The following DGKD variants were observed in gnomAD, a reference collection of about 807,000 sequenced individuals.
The protein encoded by DGKD is diacylglycerol kinase delta, also known as DAG kinase delta.
A neutral mutation model predicts 154.4 loss-of-function variants in DGKD; 68 were observed. The observed-to-expected ratio is 0.44, with a 90% confidence interval of 0.36 to 0.54. DGKD has a LOEUF of 0.54. Among genes scored for constraint, DGKD ranks in the 20% least tolerant of loss-of-function variants. The pLI is 0.00. For missense variants in DGKD, 1,343 were observed against 1,593.6 expected, an observed-to-expected ratio of 0.84 and a Z score of 2.68; for synonymous variants, 693 against 638.0, an observed-to-expected ratio of 1.09 and a Z score of -1.30.
chr2:233,439,928 G>A (rs1439115090), intron 9 of DGKD, among the ~76,000 whole-genome samples: 3 of 152,064 alleles, frequency 2.0e-5, no homozygotes, highest in Admixed American at 1.3e-4. Flanking sequence ...GATATAATAC[G>A]TCTGTTATCA....
At chr2:233,364,316 GTTT>G (rs1701924905) in intron 1 of DGKD, among the ~76,000 whole-genome samples, 1 of 152,164 alleles carries the variant, frequency 6.6e-6, no homozygotes, top group Non-Finnish European at 1.5e-5. Context: ...AACATTAAGT[GTTT>G]TTTGTTTGTT....
At chr2:233,407,772 A>G (rs1298810844) in intron 3 of DGKD, among the ~76,000 whole-genome samples, 4 of 152,172 alleles carry the variant, frequency 2.6e-5, no homozygotes, top group Admixed American at 1.3e-4. Context: ...GTCTCAAAAC[A>G]TAAAATAAAT....
At chr2:233,465,248 A>G (rs1402518513) in intron 27 of DGKD, among the ~76,000 whole-genome samples, 1 of 152,232 alleles carries the variant, frequency 6.6e-6, no homozygotes, top group Admixed American at 6.5e-5. Context: ...AATTACAAAA[A>G]TAATAATATA....
intron 1 of DGKD, among the ~76,000 whole-genome samples, chr2:233,362,438 G>A (rs548149434): frequency 6.6e-6 from 1 of 152,258 alleles, no homozygotes; most frequent in South Asian, 2.1e-4. Flanking sequence ...ATCACCTGAG[G>A]TTAGGAGTTC....
At chr2:233,439,860 T>C (rs2062830220) in intron 9 of DGKD, among the ~76,000 whole-genome samples, 1 of 151,728 alleles carries the variant, frequency 6.6e-6, no homozygotes, top group African/African-American at 2.4e-5. Context: ...CTCTCAAGAG[T>C]GTTGGATTAC....
intron 1 of DGKD, among the ~76,000 whole-genome samples, chr2:233,355,221 G>A (rs902217088): frequency 6.6e-6 from 1 of 152,204 alleles, no homozygotes; most frequent in South Asian, 2.1e-4. Flanking sequence ...AGGGAAGGAA[G>A]GGATGCGCGT....
chr2:233,415,909 G>T lies in DGKD; in HGVS notation c.349-18471G>T, dbSNP rs529295080. ...CCAAAGCACTGATTGGCAGGCATGA[G>T]CTGCTGCGCCCAACCAGGCATAGAT... On this transcript the variant is annotated intron_variant, in intron 3 of 29. Transcript: ENST00000264057. 2.6e-5 allele frequency among the ~76,000 whole-genome samples: 4 copies of T among 152,304 alleles called. No individual in the cohort carries two copies. The South Asian group carries it at 8.3e-4, about 32-fold the overall frequency.
intron 3 of DGKD, among the ~76,000 whole-genome samples, chr2:233,409,343 T>C (rs1310394402): frequency 6.6e-6 from 1 of 152,132 alleles, no homozygotes; most frequent in East Asian, 1.9e-4. Flanking sequence ...TTATAGTAAT[T>C]TAGTAAGGGA....
intron 3 of DGKD, among the ~76,000 whole-genome samples, chr2:233,410,538 A>G (rs1298990812): frequency 6.6e-6 from 1 of 152,182 alleles, no homozygotes; most frequent in Non-Finnish European, 1.5e-5. Flanking sequence ...CCAAATCCCT[A>G]AGTGCTGATT....
intron 19 of DGKD, among the ~76,000 whole-genome samples, chr2:233,456,627 A>G (rs1279707188): frequency 6.6e-6 from 1 of 152,194 alleles, no homozygotes; most frequent in Non-Finnish European, 1.5e-5. Context: ...ATAGGGTTCT[A>G]TAATGTTTTA....
At chr2:233,405,825 T>A (rs945289101) in intron 3 of DGKD, among the ~76,000 whole-genome samples, 2 of 152,246 alleles carry the variant, frequency 1.3e-5, no homozygotes, top group Non-Finnish European at 2.9e-5. Context: ...TGCTTATGTG[T>A]AATAGCTATA....
intron 3 of DGKD, among the ~76,000 whole-genome samples, chr2:233,403,395 A>G (rs1418829007): frequency 6.6e-6 from 1 of 151,808 alleles, no homozygotes; most frequent in East Asian, 2.0e-4. Flanking sequence ...CCCTGTCTCT[A>G]CTAAAAATAC....
At chr2:233,424,647 C>T (rs922513677) in intron 3 of DGKD, among the ~76,000 whole-genome samples, 6 of 152,302 alleles carry the variant, frequency 3.9e-5, no homozygotes, top group South Asian at 2.1e-4. Context: ...GGAGAGGCTG[C>T]GGGATGGAGG....
Position 233,449,168 on chromosome 2 carries a change from G to A in DGKD, c.1680G>A (p.Ser560=), listed in dbSNP as rs765268127. The change falls in exon 15 of 30, where the codon TCG becomes TCA. Residue 560 remains serine (S), a synonymous_variant. Transcript: ENST00000264057. The surrounding 1 kb of genome is among the most constrained non-coding windows in gnomAD (Gnocchi z 5.3). ...CCTTGGACGATGAGTCCCAGGCCTC[G>A]TCCTCTCTGCCCAACCCGCCCCCCA... ...LKTLDDESQA[S]SSLPNPPPTI... is the part of the protein sequence containing the mutation. The A allele has an allele frequency of 1.3e-4, 216 of 1,613,230 alleles. No homozygotes were observed. Among genetic ancestry groups the A allele is most frequent in the Admixed American group, 7.8e-4 (47 of 60,000 alleles).
At chr2:233,462,770 CTG>C (rs373015572) in intron 26 of DGKD, 35 bp downstream of exon 26, 1 of 1,589,308 alleles carries the variant, frequency 6.3e-7, no homozygotes. Context: ...AGGGCTCGGG[CTG>C]TGTGTGAAAC....
chr2:233,433,502 A>G (rs1194892642), intron 3 of DGKD, among the ~76,000 whole-genome samples: 1 of 152,210 alleles, frequency 6.6e-6, no homozygotes. Context: ...AGTTAGAATA[A>G]ACGAGATCTA....
chr2:233,397,775 AG>A (rs1334266575), intron 3 of DGKD, among the ~76,000 whole-genome samples: 1 of 151,800 alleles, frequency 6.6e-6, no homozygotes, highest in Non-Finnish European at 1.5e-5. Flanking sequence ...GATTGTTAGG[AG>A]AGAGTGGAGT....
chr2:233,442,008 G>A lies in DGKD; in HGVS notation c.1194+13G>A. The A allele has an allele frequency of 6.2e-7, 1 of 1,611,996 alleles. No homozygotes were observed. The highest frequency in any genetic ancestry group is 8.5e-7 in the Non-Finnish European group (1 of 1,178,036). On this transcript the variant is annotated intron_variant, in intron 10 of 29. Coordinates refer to ENST00000264057, the MANE Select transcript of DGKD (RefSeq NM_152879.3). ...CCTTCATAAACAGGTACCAGGACAGGAGGGAGCCCAGCCAGGAGCAGAGAG... is the reference window on the plus strand; with the variant it reads ...CCTTCATAAACAGGTACCAGGACAGAAGGGAGCCCAGCCAGGAGCAGAGAG...
At chr2:233,361,043 CCCTAGGGCA>C (rs1701759721) in intron 1 of DGKD, among the ~76,000 whole-genome samples, 1 of 72,842 alleles carries the variant, frequency 1.4e-5, no homozygotes, top group Admixed American at 1.7e-4. Flanking sequence ...TTTATGGCAG[CCCTAGGGCA>C]GCCCTGGGGA....
Sources: gnomAD v4.1 joint callset for allele counts (sites outside exome capture counted in the v4.1 genomes callset) on GRCh38, gnomAD v4.1.1 for gene constraint, Gnocchi (gnomAD v3.1) non-coding constraint, MANE v1.5 for transcripts, NCBI Gene and HGNC (gene_info 2026-07-23, HGNC 2026-07-21) for gene names.